CCDC148: variants seen among roughly 807,000 people sequenced by gnomAD.
The protein encoded by CCDC148 is coiled-coil domain containing 148.
In CCDC148, 89 loss-of-function variants were observed where a neutral mutation model predicts 85.7. That is an observed-to-expected ratio of 1.04 (90% confidence interval 0.87 to 1.24). The LOEUF is 1.24. CCDC148 is among the 50% of genes most tolerant of loss of function. The probability of loss-of-function intolerance (pLI) is 0.00; values close to 1 mark genes in which losing one functional copy is unlikely to be tolerated. For missense variants in CCDC148, 692 were observed against 671.7 expected (o/e 1.03, Z -0.33); for synonymous variants, 230 against 213.9 (o/e 1.08, Z -0.66).
intron 11 of CCDC148, among the ~76,000 whole-genome samples, chr2:158,209,890 G>C (rs959509127): frequency 3.7e-5 from 5 of 133,370 alleles, no homozygotes; most frequent in Admixed American, 2.8e-4. Flanking sequence ...ACACTATGAA[G>C]AAACTGTATC....
intron 1 of CCDC148, among the ~76,000 whole-genome samples, chr2:158,415,275 T>A (rs917595824): frequency 1.3e-5 from 2 of 150,580 alleles, no homozygotes; most frequent in Non-Finnish European, 3.0e-5. Flanking sequence ...AGGAAGAGAG[T>A]GAAGGGTGAG....
At chr2:158,452,014 TGAG>T (rs1303659150) in intron 1 of CCDC148, among the ~76,000 whole-genome samples, 1 of 152,216 alleles carries the variant, frequency 6.6e-6, no homozygotes, top group Non-Finnish European at 1.5e-5. Flanking sequence ...TATGACCTTA[TGAG>T]GAGAATAGTG....
chr2:158,328,935 A>T (rs201969608), intron 7 of CCDC148, among the ~76,000 whole-genome samples: 17,454 of 151,176 alleles, frequency 0.12, 1,565 homozygotes, highest in African/African-American at 0.25. Context: ...GATGAGTAGA[A>T]TGCAAAAATT....
At chr2:158,245,170 T>C (rs1332532334) in intron 10 of CCDC148, among the ~76,000 whole-genome samples, 1 of 152,196 alleles carries the variant, frequency 6.6e-6, no homozygotes, top group African/African-American at 2.4e-5. Flanking sequence ...TTAACCTGCA[T>C]TCTGTTTATG....
intron 1 of CCDC148, among the ~76,000 whole-genome samples, chr2:158,448,623 C>G (rs1371473319): frequency 6.6e-6 from 1 of 152,114 alleles, no homozygotes; most frequent in Non-Finnish European, 1.5e-5. Flanking sequence ...GGATCACAGG[C>G]ATGAGCCACT....
chr2:158,245,424 T>C (rs1433346826), intron 10 of CCDC148, among the ~76,000 whole-genome samples: 1 of 152,202 alleles, frequency 6.6e-6, no homozygotes, highest in East Asian at 1.9e-4. Context: ...AGCAGAGGTA[T>C]CCTGATATCC....
intron 1 of CCDC148, among the ~76,000 whole-genome samples, chr2:158,385,781 C>A (rs1362726335): frequency 6.6e-6 from 1 of 152,122 alleles, no homozygotes; most frequent in African/African-American, 2.4e-5. Flanking sequence ...CCCCAGCCTT[C>A]TTCCTGGAAT....
Position 158,456,430 on chromosome 2 carries a change from C to T in CCDC148, c.10G>A (p.Ala4Thr), listed in dbSNP as rs1408587825. 1.9e-6 allele frequency: 3 copies of T among 1,611,832 alleles called. No individual in the cohort carries two copies. The highest frequency in any genetic ancestry group is 2.5e-6 in the Non-Finnish European group (3 of 1,179,126). The change falls in exon 1 of 14, where the codon GCT becomes ACT. Residue 4 changes from alanine (A) to threonine (T), a missense_variant. Ala to Thr is a moderately conservative substitution (Grantham distance 58). Transcript: ENST00000283233. The part of the protein sequence containing the change: MCA[A>T]SASPDNLVFH... ...GCAAACTCACCTGGAGAAGCAGAAG[C>T]TGCACACATGTCAAAGGTCAAAGGG...
intron 2 of CCDC148, among the ~76,000 whole-genome samples, chr2:158,350,225 T>C (rs982013288): frequency 6.6e-6 from 1 of 152,158 alleles, no homozygotes; most frequent in African/African-American, 2.4e-5. Flanking sequence ...ACCACAATAA[T>C]TAAAAATCTG....
intron 10 of CCDC148, among the ~76,000 whole-genome samples, chr2:158,241,377 T>C (rs1688344070): frequency 6.6e-6 from 1 of 152,196 alleles, no homozygotes; most frequent in Non-Finnish European, 1.5e-5. Context: ...AGCTAAAAGA[T>C]ATCCTTCTGT....
intron 10 of CCDC148, among the ~76,000 whole-genome samples, chr2:158,244,897 A>G (rs1427204824): frequency 6.6e-6 from 1 of 152,178 alleles, no homozygotes; most frequent in Non-Finnish European, 1.5e-5. Context: ...CTGAAAAAGC[A>G]GAGTTTAAAG....
intron 10 of CCDC148, among the ~76,000 whole-genome samples, chr2:158,246,491 A>ACG (rs1272378591): frequency 6.6e-6 from 1 of 152,156 alleles, no homozygotes; most frequent in Non-Finnish European, 1.5e-5. Context: ...ACACACATAC[A>ACG]CGCACACACA....
At position 158,401,867 on chromosome 2, in the gene CCDC148, C is replaced by G. The variant is rs767747161; in HGVS notation, c.26-43297G>C. On this transcript the variant is annotated intron_variant, in intron 1 of 13. Coordinates refer to ENST00000283233, the MANE Select transcript of CCDC148 (RefSeq NM_138803.4). ...ATTGTTGCAAAGTGGAAATGGAGTG[C>G]AAACTGTGGCCAGAGCAGAGCAGCC... Among the ~76,000 whole-genome samples the G allele has an allele frequency of 7.9e-5, 12 of 151,928 alleles. 1 individual carries two copies. Among genetic ancestry groups the G allele is most frequent in the Non-Finnish European group, 2.9e-5 (2 of 67,958 alleles).
intron 12 of CCDC148, among the ~76,000 whole-genome samples, chr2:158,177,570 CTG>C (rs1218159267): frequency 6.6e-6 from 1 of 152,040 alleles, no homozygotes; most frequent in Non-Finnish European, 1.5e-5. Flanking sequence ...ATCATATAGA[CTG>C]TAGTTATCAA....
chr2:158,279,914 T>C (rs1044072090), intron 9 of CCDC148, among the ~76,000 whole-genome samples: 3 of 151,494 alleles, frequency 2.0e-5, no homozygotes, highest in Admixed American at 6.6e-5. Flanking sequence ...CCCATCAGAC[T>C]AACAGCGGAT....
At chr2:158,283,908 A>T (rs1690477312) in intron 9 of CCDC148, among the ~76,000 whole-genome samples, 1 of 151,978 alleles carries the variant, frequency 6.6e-6, no homozygotes, top group South Asian at 2.1e-4. Context: ...TGGATTAAGA[A>T]AATGTGGCAC....
At chr2:158,320,459 T>C (rs1423831507) in intron 7 of CCDC148, among the ~76,000 whole-genome samples, 1 of 152,194 alleles carries the variant, frequency 6.6e-6, no homozygotes. Flanking sequence ...TAACTGCAAT[T>C]GGACTTCAAG....
rs889253862 is a variant in CCDC148, at chr2:158,249,603, T to C, written c.1251+1169A>G. On this transcript the variant is annotated intron_variant, in intron 10 of 13. Coordinates refer to ENST00000283233, the MANE Select transcript of CCDC148 (RefSeq NM_138803.4). ...GTCAAATGATCATATAACTTCTATG[T>C]ATGTTGTTTTCCACAATGCTGCCTC... Among the ~76,000 whole-genome samples the C allele has an allele frequency of 9.9e-5, 15 of 152,168 alleles. 1 individual carries two copies. The highest frequency in any genetic ancestry group is 3.6e-4 in the African/African-American group (15 of 41,442).
chr2:158,367,266 A>G (rs950647227), intron 1 of CCDC148, among the ~76,000 whole-genome samples: 1 of 152,138 alleles, frequency 6.6e-6, no homozygotes, highest in Non-Finnish European at 1.5e-5. Context: ...CTCCAGAAAT[A>G]AATCTATGCT....
Sources: allele counts gnomAD v4.1 joint callset (sites outside exome capture counted in the v4.1 genomes callset), GRCh38; gene constraint gnomAD v4.1.1; transcripts MANE v1.5; gene names NCBI Gene and HGNC (gene_info 2026-07-23, HGNC 2026-07-21).